The following JPH3 variants were observed in gnomAD, a reference collection of about 807,000 sequenced individuals.
JPH3 encodes junctophilin-3.
Under a neutral mutation model 59.6 loss-of-function variants are expected in JPH3, and 11 were observed. The ratio of observed to expected loss-of-function variants is 0.18; its 90% CI spans 0.12 to 0.31. The LOEUF is 0.31. JPH3 is among the 10% of genes least tolerant of loss of function. The probability of loss-of-function intolerance (pLI) is 1.00; values close to 1 mark genes in which losing one functional copy is unlikely to be tolerated. For synonymous variants in JPH3, 673 were observed against 483.6 expected (o/e 1.39, Z -5.14); for missense variants, 1,202 against 1,105.7 (o/e 1.09, Z -1.24).
At chr16:87,644,237 C>T in intron 1 of JPH3, 21 bp from the exon 2 acceptor site, 2 of 1,586,158 alleles carry the variant, frequency 1.3e-6, no homozygotes, top group Non-Finnish European at 1.7e-6. Context: ...GGCACTCACC[C>T]CTCTCTCATT....
At chr16:87,679,115 C>A (rs1026483180) in intron 2 of JPH3, among the ~76,000 whole-genome samples, 12 of 152,220 alleles carry the variant, frequency 7.9e-5, no homozygotes, top group African/African-American at 2.7e-4. Context: ...GTGTGCCCAT[C>A]CCCCAGCTGG....
intron 3 of JPH3, among the ~76,000 whole-genome samples, chr16:87,686,861 G>A (rs1327726182): frequency 2.0e-5 from 3 of 152,202 alleles, no homozygotes; most frequent in Non-Finnish European, 2.9e-5. Flanking sequence ...ATGGAGAGAC[G>A]GGGCCGCTGC....
intron 2 of JPH3, among the ~76,000 whole-genome samples, chr16:87,675,862 G>A (rs756179423): frequency 5.9e-5 from 9 of 152,112 alleles, no homozygotes; most frequent in Non-Finnish European, 1.2e-4. Context: ...ATCCTATTTC[G>A]CACCCCTTCC....
chr16:87,652,217 C>T (rs150219392), intron 2 of JPH3, among the ~76,000 whole-genome samples: 257 of 152,264 alleles, frequency 1.7e-3, no homozygotes, highest in African/African-American at 5.9e-3. Flanking sequence ...CCTCGAGATC[C>T]GCCCACCTCG....
At chr16:87,677,048 A>G (rs143564252) in intron 2 of JPH3, among the ~76,000 whole-genome samples, 1,858 of 151,248 alleles carry the variant, frequency 0.012, 86 homozygotes, top group African/African-American at 0.043. Flanking sequence ...AGTCCCAGCT[A>G]CTCGGGAGGC....
At chr16:87,651,678 C>G (rs538569314) in intron 2 of JPH3, among the ~76,000 whole-genome samples, 27 of 152,380 alleles carry the variant, frequency 1.8e-4, no homozygotes, top group African/African-American at 5.5e-4. Context: ...TTGCTGCAAG[C>G]TCACGACCAC....
chr16:87,691,460 CA>C (rs2033570945), intron 4 of JPH3, among the ~76,000 whole-genome samples: 1 of 152,150 alleles, frequency 6.6e-6, no homozygotes, highest in Non-Finnish European at 1.5e-5. Flanking sequence ...TGTGAGGACG[CA>C]GGGGGGTGTC....
In JPH3 at chr16:87,602,954, C is replaced by A. The variant is rs1283818873; in HGVS notation, c.-193C>A. 1 of 464,538 alleles carries A rather than the reference C, an allele frequency of 2.2e-6. No individual in the cohort carries two copies. Among genetic ancestry groups the A allele is most frequent in the South Asian group, 2.2e-5 (1 of 45,616 alleles). The allele number at this position is 464,538 out of a possible 1,614,324, so 28.8% of individuals were successfully genotyped here. Reference sequence around the variant, plus strand: ...GCGGCGCAGCTCGAAAAGGAATAATCGCCCCCGATTGACTGAAATTCCTCC... The same window carrying A: ...GCGGCGCAGCTCGAAAAGGAATAATAGCCCCCGATTGACTGAAATTCCTCC... On this transcript the variant is annotated 5_prime_UTR_variant, in exon 1 of 5. Coordinates refer to ENST00000284262, the MANE Select transcript of JPH3 (RefSeq NM_020655.4).
chr16:87,644,627 G>C lies in JPH3; in HGVS notation c.752G>C (p.Ser251Thr), dbSNP rs371378713. The stretch of plus-strand genomic sequence containing the variant: ...TCCTTTCGCAGCGAGGCGGGCATGA[G>C]CACCGTCAGCTCCACGGCCAGCGAC... ...QSSFRSEAGM[S>T]TVSSTASDIH... The change falls in exon 2 of 5, where the codon AGC becomes ACC. Residue 251 changes from serine (S) to threonine (T), a missense_variant. Ser to Thr is a moderately conservative substitution (Grantham distance 58). Transcript: ENST00000284262. 1 of 1,612,344 alleles carries C rather than the reference G, an allele frequency of 6.2e-7. No individual in the cohort carries two copies. The highest frequency in any genetic ancestry group is 8.5e-7 in the Non-Finnish European group (1 of 1,179,906).
chr16:87,627,109 G>A (rs55655706), intron 1 of JPH3, among the ~76,000 whole-genome samples: 13 of 152,318 alleles, frequency 8.5e-5, no homozygotes, highest in Admixed American at 2.0e-4. Flanking sequence ...TCTCTGGGCC[G>A]GGGGGCGAGG....
At chr16:87,655,508 C>T (rs572569952) in intron 2 of JPH3, among the ~76,000 whole-genome samples, 1 of 152,152 alleles carries the variant, frequency 6.6e-6, no homozygotes, top group African/African-American at 2.4e-5. Flanking sequence ...CGTGCACCAC[C>T]ACGCCCAGCT....
intron 1 of JPH3, among the ~76,000 whole-genome samples, chr16:87,642,902 T>C (rs946711027): frequency 4.6e-5 from 7 of 152,210 alleles, no homozygotes; most frequent in Non-Finnish European, 1.0e-4. Flanking sequence ...GTAAGAGAAA[T>C]ACAGAATGTA....
In JPH3 at chr16:87,680,762, G is replaced by A. The variant is rs1050568653; in HGVS notation, c.1161-3380G>A. Among the ~76,000 whole-genome samples, 9 of 152,216 alleles carry A rather than the reference G, an allele frequency of 5.9e-5. No homozygotes were observed. The South Asian group carries it at 8.3e-4, about 14-fold the overall frequency. On this transcript the variant is annotated intron_variant, in intron 2 of 4. Transcript: ENST00000284262. ...CATTTATGACAAACCGCTGCAGTGC[G>A]TTTGGGAGTCTCCTCCTCCATGACG...
At chr16:87,651,882 C>T (rs998688258) in intron 2 of JPH3, among the ~76,000 whole-genome samples, 3 of 152,218 alleles carry the variant, frequency 2.0e-5, no homozygotes, top group African/African-American at 7.2e-5. Context: ...GAAGCTCTAC[C>T]GTGAGTCAAA....
chr16:87,692,770 C>A (rs1567618034), intron 4 of JPH3, among the ~76,000 whole-genome samples: 1 of 152,188 alleles, frequency 6.6e-6, no homozygotes, highest in Non-Finnish European at 1.5e-5. Flanking sequence ...ATGGTGGGGT[C>A]CAGGGTTGGA....
intron 1 of JPH3, 151 bp downstream of exon 1, chr16:87,603,679 G>T: frequency 2.0e-6 from 2 of 1,023,488 alleles, no homozygotes; most frequent in Non-Finnish European, 2.8e-6. Context: ...AGCCACGGCG[G>T]CTCCTGGCTA....
At position 87,690,109 on chromosome 16, in the gene JPH3, G is replaced by A. The variant is rs372525495; in HGVS notation, c.1749G>A (p.Thr583=). ...ERRTESPPVF[T]WTSHHRASNH... is the part of the protein sequence containing the mutation. ...GGACGGAGTCACCCCCCGTGTTCAC[G>A]TGGACTTCCCACCACCGGGCCAGCA... Residue 583 remains threonine, a synonymous_variant, in exon 4 of 5, where the codon ACG becomes ACA. Transcript: ENST00000284262. The A allele has an allele frequency of 5.0e-4, 793 of 1,578,224 alleles. 2 individuals carry two copies. The highest frequency in any genetic ancestry group is 4.4e-4 in the Non-Finnish European group (513 of 1,162,236).
intron 1 of JPH3, among the ~76,000 whole-genome samples, chr16:87,614,321 G>T (rs1308308634): frequency 6.6e-6 from 1 of 152,020 alleles, no homozygotes; most frequent in Non-Finnish European, 1.5e-5. Context: ...ATAAAGGCAG[G>T]TCCCTGTACA....
At chr16:87,639,282 GA>G (rs1227762460) in intron 1 of JPH3, among the ~76,000 whole-genome samples, 1 of 151,916 alleles carries the variant, frequency 6.6e-6, no homozygotes, top group Non-Finnish European at 1.5e-5. Flanking sequence ...TGTAGATTGA[GA>G]AAGTGTTGAG....
Sources: allele counts gnomAD v4.1 joint callset (sites outside exome capture counted in the v4.1 genomes callset), GRCh38; gene constraint gnomAD v4.1.1; transcripts MANE v1.5; gene names NCBI Gene and HGNC (gene_info 2026-07-23, HGNC 2026-07-21).